The following SHISAL2B variants were observed in gnomAD, a reference collection of about 807,000 sequenced individuals.
The protein encoded by SHISAL2B is protein shisa-like-2B.
Under a neutral mutation model 16.5 loss-of-function variants are expected in SHISAL2B, and 12 were observed. The ratio of observed to expected loss-of-function variants is 0.73; its 90% CI spans 0.47 to 1.18. SHISAL2B has a LOEUF of 1.18. Ranked by LOEUF, SHISAL2B falls within the 50% of genes most tolerant of loss-of-function variation. SHISAL2B has a pLI of 0.00. For missense variants in SHISAL2B, 183 were observed against 193.6 expected, an observed-to-expected ratio of 0.95 and a Z score of 0.33; for synonymous variants, 72 against 75.0, an observed-to-expected ratio of 0.96 and a Z score of 0.21.
At chr5:64,709,490 A>G (rs966335616) in intron 2 of SHISAL2B, among the ~76,000 whole-genome samples, 2 of 147,064 alleles carry the variant, frequency 1.4e-5, no homozygotes, top group East Asian at 2.0e-4. Flanking sequence ...TAATGCCGCA[A>G]TAAACATACG....
At chr5:64,702,357 C>T (rs560654381) in intron 2 of SHISAL2B, among the ~76,000 whole-genome samples, 36 of 152,164 alleles carry the variant, frequency 2.4e-4, no homozygotes, top group African/African-American at 8.4e-4. Context: ...TGAGCCACCA[C>T]GCCAGGCTAA....
intron 2 of SHISAL2B, among the ~76,000 whole-genome samples, chr5:64,701,140 T>A (rs959277955): frequency 1.3e-5 from 2 of 152,210 alleles, no homozygotes; most frequent in Non-Finnish European, 2.9e-5. Context: ...CTGTGTTGTT[T>A]AGGGAGTAAT....
Position 64,718,060 on chromosome 5 carries a change from G to T in SHISAL2B, c.*38G>T. On this transcript the variant is annotated 3_prime_UTR_variant, in exon 3 of 3. Coordinates refer to ENST00000389074, the MANE Select transcript of SHISAL2B (RefSeq NM_001164442.2). Reference sequence around the variant, plus strand: ...TGTTTTAAATGCTTACTGGAGAGATGGGACAATAAAAATAAAGCGTGCACT... The same window carrying T: ...TGTTTTAAATGCTTACTGGAGAGATTGGACAATAAAAATAAAGCGTGCACT... The T allele has an allele frequency of 6.9e-7, 1 of 1,444,562 alleles. No individual in the cohort carries two copies. Among genetic ancestry groups the T allele is most frequent in the South Asian group, 1.4e-5 (1 of 69,542 alleles). 89.5% of individuals were successfully genotyped at this position (1,444,562 alleles called of 1,614,324 possible).
chr5:64,709,790 G>T (rs1741932299), intron 2 of SHISAL2B, among the ~76,000 whole-genome samples: 1 of 152,062 alleles, frequency 6.6e-6, no homozygotes, highest in Non-Finnish European at 1.5e-5. Context: ...GATGGCCAGT[G>T]ATGATGAGCA....
intron 2 of SHISAL2B, among the ~76,000 whole-genome samples, chr5:64,699,388 G>A (rs1464722002): frequency 6.6e-6 from 1 of 152,172 alleles, no homozygotes; most frequent in African/African-American, 2.4e-5. Flanking sequence ...GTGAGCCTTT[G>A]ATGTGATATT....
At position 64,716,662 on chromosome 5, in the gene SHISAL2B, G is replaced by A. The variant is rs191960802; in HGVS notation, c.350-1227G>A. 1.3e-3 allele frequency among the ~76,000 whole-genome samples: 192 copies of A among 152,246 alleles called. 1 individual carries two copies. The highest frequency in any genetic ancestry group is 3.4e-3 in the Middle Eastern group (1 of 294). ...AGTGAGTTATTGTGCAGATTATCTGGAAGAAGAGCATAGTAGACAGAGTGA... is the reference window on the plus strand; with the variant it reads ...AGTGAGTTATTGTGCAGATTATCTGAAAGAAGAGCATAGTAGACAGAGTGA... On this transcript the variant is annotated intron_variant, in intron 2 of 2. Coordinates refer to ENST00000389074, the MANE Select transcript of SHISAL2B (RefSeq NM_001164442.2).
chr5:64,690,927 A>G, intron 1 of SHISAL2B, 113 bp downstream of exon 1: 1 of 925,006 alleles, frequency 1.1e-6, no homozygotes, highest in Non-Finnish European at 1.5e-6. Flanking sequence ...TATCCGCCCT[A>G]GGTTAGGTCC....
At chr5:64,698,025 G>A (rs1741762777) in intron 2 of SHISAL2B, among the ~76,000 whole-genome samples, 1 of 152,218 alleles carries the variant, frequency 6.6e-6, no homozygotes, top group African/African-American at 2.4e-5. Context: ...ATGACAGGTT[G>A]TTAGCTGAAT....
intron 2 of SHISAL2B, among the ~76,000 whole-genome samples, chr5:64,696,877 G>T (rs1320317520): frequency 1.3e-5 from 2 of 152,136 alleles, no homozygotes; most frequent in East Asian, 3.9e-4. Context: ...TATGATCTTT[G>T]TTGGCTTCAG....
intron 2 of SHISAL2B, among the ~76,000 whole-genome samples, chr5:64,703,853 T>G (rs977755445): frequency 2.0e-5 from 3 of 152,154 alleles, no homozygotes; most frequent in African/African-American, 4.8e-5. Flanking sequence ...GAGATCTCTT[T>G]ATATACTTGA....
At chr5:64,714,739 G>A (rs918586184) in intron 2 of SHISAL2B, among the ~76,000 whole-genome samples, 3 of 152,110 alleles carry the variant, frequency 2.0e-5, no homozygotes, top group East Asian at 1.9e-4. Flanking sequence ...ATATAGTCTC[G>A]TGGTGCGCTG....
chr5:64,695,045 G>T (rs377157462), intron 1 of SHISAL2B, among the ~76,000 whole-genome samples: 2 of 151,990 alleles, frequency 1.3e-5, no homozygotes, highest in Non-Finnish European at 2.9e-5. Context: ...CGGGTGGATC[G>T]CCTGAGCTCA....
chr5:64,705,777 C>T (rs1457760994), intron 2 of SHISAL2B, among the ~76,000 whole-genome samples: 1 of 152,184 alleles, frequency 6.6e-6, no homozygotes, highest in African/African-American at 2.4e-5. Context: ...CTGACACAGC[C>T]TCAGGAAGTC....
chr5:64,705,300 CTT>C (rs1741860775), intron 2 of SHISAL2B, among the ~76,000 whole-genome samples: 1 of 152,124 alleles, frequency 6.6e-6, no homozygotes, highest in African/African-American at 2.4e-5. Flanking sequence ...ATGGGGATGA[CTT>C]AGAGAGAACC....
chr5:64,709,691 C>T (rs1351468645), intron 2 of SHISAL2B, among the ~76,000 whole-genome samples: 2 of 149,120 alleles, frequency 1.3e-5, no homozygotes, highest in Admixed American at 6.6e-5. Context: ...ACATCCTCTC[C>T]AGCACCTGTT....
rs1256136305 is a variant in SHISAL2B, at chr5:64,690,710, G to A, written c.87G>A (p.Glu29=). The A allele has an allele frequency of 1.3e-6, 2 of 1,535,534 alleles. No homozygotes were observed. The highest frequency in any genetic ancestry group is 8.7e-7 in the Non-Finnish European group (1 of 1,146,480). The part of the protein sequence containing the change: ...VEPFQCPRRG[E]GAALQYCCGF... Reference sequence around the variant, plus strand: ...CCTTCCAGTGCCCCCGGCGCGGCGAGGGGGCAGCGCTCCAGTATTGCTGCG... The same window carrying A: ...CCTTCCAGTGCCCCCGGCGCGGCGAAGGGGCAGCGCTCCAGTATTGCTGCG... Residue 29 remains glutamate, a synonymous_variant, in exon 1 of 3, where the codon GAG becomes GAA. Coordinates refer to ENST00000389074, the MANE Select transcript of SHISAL2B (RefSeq NM_001164442.2).
At chr5:64,696,700 A>T (rs1315807193) in intron 2 of SHISAL2B, among the ~76,000 whole-genome samples, 2 of 151,076 alleles carry the variant, frequency 1.3e-5, no homozygotes, top group Non-Finnish European at 3.0e-5. Flanking sequence ...TGAGGAAAAA[A>T]CCCCACCCTG....
At chr5:64,699,110 G>A (rs114639506) in intron 2 of SHISAL2B, among the ~76,000 whole-genome samples, 2,021 of 152,246 alleles carry the variant, frequency 0.013, 35 homozygotes, top group African/African-American at 0.047. Flanking sequence ...AGTTAGATGA[G>A]GCTGCTTACT....
chr5:64,709,452 G>C (rs1300698569), intron 2 of SHISAL2B, among the ~76,000 whole-genome samples: 3 of 144,080 alleles, frequency 2.1e-5, no homozygotes. Flanking sequence ...GGACATTTGG[G>C]TTGGTTCCAA....
Sources: allele counts gnomAD v4.1 joint callset (sites outside exome capture counted in the v4.1 genomes callset), GRCh38; gene constraint gnomAD v4.1.1; transcripts MANE v1.5; gene names NCBI Gene and HGNC (gene_info 2026-07-23, HGNC 2026-07-21).